Variants in NXN observed in about 807,000 individuals in gnomAD.
NXN encodes nucleoredoxin 1.
Under a neutral mutation model 48.6 loss-of-function variants are expected in NXN, and 16 were observed. The observed-to-expected ratio is 0.33, with a 90% CI of 0.22 to 0.50. The LOEUF (loss-of-function observed/expected upper bound fraction) is 0.50, where lower values mean the gene tolerates loss of function less well. NXN is among the 20% of genes least tolerant of loss of function. NXN has a pLI of 0.98. For missense variants in NXN, 492 were observed against 605.5 expected (o/e 0.81, Z 1.97); for synonymous variants, 281 against 269.6 (o/e 1.04, Z -0.41).
chr17:816,397 G>A (rs1205520201), intron 5 of NXN, among the ~76,000 whole-genome samples: 1 of 152,044 alleles, frequency 6.6e-6, no homozygotes, highest in African/African-American at 2.4e-5. Context: ...TCTATCCTGT[G>A]ACGTTGCAGC....
intron 1 of NXN, among the ~76,000 whole-genome samples, chr17:840,813 T>C (rs868550845): frequency 6.6e-6 from 1 of 152,188 alleles, no homozygotes; most frequent in South Asian, 2.1e-4. Flanking sequence ...CATCCTAACC[T>C]GTTGCTCCAA....
chr17:809,761 C>T (rs948319301), intron 5 of NXN, among the ~76,000 whole-genome samples: 2 of 105,852 alleles, frequency 1.9e-5, no homozygotes, highest in Non-Finnish European at 4.3e-5. Context: ...TTTTGCGCCA[C>T]ACTGTTTAGT....
chr17:961,006 G>A (rs1383234285), intron 1 of NXN, among the ~76,000 whole-genome samples: 9 of 150,914 alleles, frequency 6.0e-5, no homozygotes, highest in Middle Eastern at 3.5e-3. Flanking sequence ...GGATAGTCTC[G>A]ATCTCCTGAC....
chr17:882,710 C>G (rs2068299006), intron 1 of NXN, among the ~76,000 whole-genome samples: 1 of 151,930 alleles, frequency 6.6e-6, no homozygotes, highest in Admixed American at 6.6e-5. Flanking sequence ...CGTGATCTGC[C>G]TGCCTTGGCC....
At chr17:950,069 A>T (rs563106343) in intron 1 of NXN, among the ~76,000 whole-genome samples, 3 of 152,318 alleles carry the variant, frequency 2.0e-5, no homozygotes, top group African/African-American at 7.2e-5. Context: ...TGCTTAAAAG[A>T]AGCCCCTTAA....
intron 1 of NXN, among the ~76,000 whole-genome samples, chr17:860,646 G>A (rs1434933688): frequency 6.6e-6 from 1 of 150,734 alleles, no homozygotes; most frequent in Non-Finnish European, 1.5e-5. Flanking sequence ...CACCCACCTT[G>A]GCCTCCCAAA....
intron 4 of NXN, among the ~76,000 whole-genome samples, chr17:820,080 G>A (rs536610366): frequency 5.3e-4 from 81 of 152,288 alleles, no homozygotes; most frequent in South Asian, 2.3e-3. Flanking sequence ...GTTTATGAGC[G>A]GAGACCGACC....
intron 1 of NXN, among the ~76,000 whole-genome samples, chr17:858,178 G>A (rs2068005568): frequency 6.6e-6 from 1 of 151,422 alleles, no homozygotes; most frequent in African/African-American, 2.4e-5. Context: ...ACCATGTTGC[G>A]GCTAATTTTT....
rs374705601 is a variant in NXN at position 803,762 on chromosome 17, G to C, written c.1045C>G (p.Gln349Glu). ...GESEAAKQLI[Q>E]PIAEKIIAKY... ...GCAATGATTTTCTCAGCTATCGGCT[G>C]AATCAGCTGCTTGGCCGCCTCGGAC... Residue 349 changes from glutamine (Q) to glutamate (E), a missense_variant, in exon 7 of 8, where the codon CAG becomes GAG. Physicochemically the swap from Gln to Glu is conservative, Grantham distance 29 (BLOSUM62 2). Around this residue, in one of 3 missense-constraint regions of NXN, gnomAD observed 303 missense variants for 388.3 expected, o/e 0.78. Coordinates refer to ENST00000336868, the MANE Select transcript of NXN (RefSeq NM_022463.5). The C allele has an allele frequency of 1.4e-5, 22 of 1,614,136 alleles. No individual in the cohort carries two copies. Among genetic ancestry groups the C allele is most frequent in the Non-Finnish European group, 1.8e-5 (21 of 1,180,050 alleles).
rs1173722537 is a variant in NXN, at chr17:941,642, A to C, written c.360+37677T>G. On this transcript the variant is annotated intron_variant, in intron 1 of 7. Transcript: ENST00000336868. ...ATTCACCAAACACCTCCCTGGATTT[A>C]CAGCGAACAAGATTCCAGGGCACAG... is the stretch of plus-strand genomic sequence containing the variant. Among the ~76,000 whole-genome samples, 2 of 32,266 alleles carry C rather than the reference A, an allele frequency of 6.2e-5. 1 individual carries two copies. The highest frequency in any genetic ancestry group is 1.4e-3 in the East Asian group (2 of 1,462). 21.2% of individuals were successfully genotyped at this position (32,266 alleles called of 152,430 possible).
In NXN at chr17:829,751, T is replaced by C. The variant is rs551000321; in HGVS notation, c.361-3673A>G. On this transcript the variant is annotated intron_variant, in intron 1 of 7. Transcript: ENST00000336868. ...GTTTTCTGTTGCTGTGTTAGTTTGC[T>C]GAGAATGATGTCTTCCAGCTTCATC... Among the ~76,000 whole-genome samples, 4 of 152,316 alleles carry C rather than the reference T, an allele frequency of 2.6e-5. No homozygotes were observed. In the South Asian group the frequency reaches 8.3e-4, roughly 32 times the overall value.
At chr17:846,022 C>T (rs1299684366) in intron 1 of NXN, among the ~76,000 whole-genome samples, 1 of 152,058 alleles carries the variant, frequency 6.6e-6, no homozygotes, top group East Asian at 1.9e-4. Flanking sequence ...GCGGAGGTTG[C>T]AGTGAGCCGA....
chr17:914,994 G>C (rs923122172), intron 1 of NXN, among the ~76,000 whole-genome samples: 2 of 151,994 alleles, frequency 1.3e-5, no homozygotes, highest in African/African-American at 4.8e-5. Flanking sequence ...GAGTGCAGTG[G>C]TGCGATCTCG....
chr17:889,683 AAAG>A (rs2068388182), intron 1 of NXN, among the ~76,000 whole-genome samples: 3 of 150,262 alleles, frequency 2.0e-5, no homozygotes, highest in African/African-American at 4.9e-5. Flanking sequence ...AAAGAAAAGA[AAAG>A]AAGAAAGAAA....
chr17:811,273 C>T (rs1597617023), intron 5 of NXN, among the ~76,000 whole-genome samples: 1 of 152,344 alleles, frequency 6.6e-6, no homozygotes, highest in East Asian at 1.9e-4. Context: ...GGCCGTCCGC[C>T]CTCCCTGAAG....
chr17:924,325 C>A (rs1222902876), intron 1 of NXN, among the ~76,000 whole-genome samples: 1 of 152,214 alleles, frequency 6.6e-6, no homozygotes, highest in East Asian at 1.9e-4. Flanking sequence ...CAACCTCCAC[C>A]TCCTGGGTTC....
chr17:843,056 G>C (rs1008994987), intron 1 of NXN, among the ~76,000 whole-genome samples: 14 of 107,334 alleles, frequency 1.3e-4, no homozygotes, highest in African/African-American at 5.0e-4. Flanking sequence ...AAGAAAGAAA[G>C]AAGGAAGAAA....
intron 1 of NXN, among the ~76,000 whole-genome samples, chr17:851,360 G>A (rs8066936): frequency 0.21 from 32,616 of 152,284 alleles, 3,822 homozygotes; most frequent in Middle Eastern, 0.32. Flanking sequence ...GGCTGCAGAC[G>A]GGAGAGAAGA....
rs996988462 is a variant in NXN at position 867,336 on chromosome 17, C to T, written c.361-41258G>A. Among the ~76,000 whole-genome samples, 10 of 145,046 alleles carry T rather than the reference C, an allele frequency of 6.9e-5. No homozygotes were observed. In the Admixed American group the frequency reaches 7.0e-4, roughly 10 times the overall value. ...TCTCGGGGTTCTCCGGGGAATCCTC[C>T]AGCTTGGTCAGCAAGTTCTCGGGGT... On this transcript the variant is annotated intron_variant, in intron 1 of 7. Coordinates refer to ENST00000336868, the MANE Select transcript of NXN (RefSeq NM_022463.5).
Sources: gnomAD v4.1 joint callset for allele counts (sites outside exome capture counted in the v4.1 genomes callset) on GRCh38, gnomAD v4.1.1 for gene constraint, gnomAD v4.1.1 regional missense constraint, MANE v1.5 for transcripts, NCBI Gene and HGNC (gene_info 2026-07-23, HGNC 2026-07-21) for gene names.